The following CERS6 variants were observed in gnomAD, a reference collection of about 807,000 sequenced individuals.
CERS6 encodes LAG1 homolog, ceramide synthase 6.
In CERS6, 26 loss-of-function variants were observed where a neutral mutation model predicts 56.8. The observed-to-expected ratio is 0.46, with a 90% CI of 0.34 to 0.63. CERS6 has a LOEUF of 0.63. Among genes scored for constraint, CERS6 ranks in the 30% least tolerant of loss-of-function variants. The probability of loss-of-function intolerance (pLI) is 0.01; values close to 1 mark genes in which losing one functional copy is unlikely to be tolerated. For synonymous variants in CERS6, 164 were observed against 173.3 expected, an observed-to-expected ratio of 0.95 and a Z score of 0.42; for missense variants, 415 against 467.5, an observed-to-expected ratio of 0.89 and a Z score of 1.04.
At chr2:168,664,801 G>A (rs1008983078) in intron 4 of CERS6, among the ~76,000 whole-genome samples, 9 of 152,050 alleles carry the variant, frequency 5.9e-5, no homozygotes, top group African/African-American at 1.7e-4. Context: ...CCTGTATTTT[G>A]TGCTGACCTC....
intron 3 of CERS6, among the ~76,000 whole-genome samples, chr2:168,603,874 T>G (rs1240354102): frequency 1.3e-5 from 2 of 152,206 alleles, no homozygotes; most frequent in Non-Finnish European, 2.9e-5. Flanking sequence ...GAGCATAGTT[T>G]GTGGGCTGAT....
At chr2:168,710,548 A>C (rs1045310734) in intron 6 of CERS6, among the ~76,000 whole-genome samples, 1 of 152,202 alleles carries the variant, frequency 6.6e-6, no homozygotes, top group African/African-American at 2.4e-5. Context: ...GCTCTACGTT[A>C]ATGGATCCAT....
At chr2:168,741,958 C>T (rs1683922655) in intron 8 of CERS6, among the ~76,000 whole-genome samples, 1 of 152,178 alleles carries the variant, frequency 6.6e-6, no homozygotes, top group Non-Finnish European at 1.5e-5. Flanking sequence ...CTGGCAGCTC[C>T]ATGGTCATTG....
chr2:168,504,373 C>CA (rs5836184), intron 1 of CERS6, among the ~76,000 whole-genome samples: 6,374 of 140,012 alleles, frequency 0.046, 152 homozygotes, highest in African/African-American at 0.086. Context: ...CCCATTTAAA[C>CA]AAAAAAAAAA....
intron 4 of CERS6, among the ~76,000 whole-genome samples, chr2:168,631,516 AC>A (rs1684719265): frequency 4.0e-5 from 1 of 25,284 alleles, no homozygotes; most frequent in African/African-American, 8.6e-5. Flanking sequence ...ATATATATAA[AC>A]TATTATATAA....
intron 3 of CERS6, among the ~76,000 whole-genome samples, chr2:168,567,052 C>T (rs1439820760): frequency 6.6e-6 from 1 of 152,124 alleles, no homozygotes; most frequent in Non-Finnish European, 1.5e-5. Context: ...GATACATGAT[C>T]AGCAATGTGT....
rs558805891 is a variant in CERS6 at position 168,707,229 on chromosome 2, T to TA, written c.610-7771dup. The stretch of plus-strand genomic sequence containing the variant: ...TGTTTTTAAAATGAAGTTTGTGTGT[T>TA]ACAGTTATCCCCCTCAAGGACCTAA... On this transcript the variant is annotated intron_variant, in intron 6 of 9. Coordinates refer to ENST00000305747, the MANE Select transcript of CERS6 (RefSeq NM_203463.3). Among the ~76,000 whole-genome samples the TA allele has an allele frequency of 1.4e-3, 220 of 152,344 alleles. 1 individual carries two copies. The highest frequency in any genetic ancestry group is 5.0e-3 in the African/African-American group (210 of 41,586).
At chr2:168,653,280 T>G (rs540425235) in intron 4 of CERS6, among the ~76,000 whole-genome samples, 1 of 152,318 alleles carries the variant, frequency 6.6e-6, no homozygotes, top group South Asian at 2.1e-4. Flanking sequence ...TGCACCCCAG[T>G]GGGCTCTCCA....
intron 4 of CERS6, among the ~76,000 whole-genome samples, chr2:168,651,407 T>C (rs1431675900): frequency 7.2e-5 from 11 of 152,216 alleles, no homozygotes; most frequent in African/African-American, 2.7e-4. Flanking sequence ...ATTCTGTGAA[T>C]TAAAGCAAAG....
At chr2:168,592,678 AG>A (rs1363016116) in intron 3 of CERS6, among the ~76,000 whole-genome samples, 1 of 152,034 alleles carries the variant, frequency 6.6e-6, no homozygotes, top group African/African-American at 2.4e-5. Flanking sequence ...CCTGTGCAGC[AG>A]GGTGGAGGGG....
chr2:168,464,835 C>T (rs1180954042), intron 1 of CERS6, among the ~76,000 whole-genome samples: 1 of 152,014 alleles, frequency 6.6e-6, no homozygotes, highest in East Asian at 1.9e-4. Flanking sequence ...AAATCAAAAC[C>T]ACTATGAGAT....
rs1693676807 is a variant in CERS6, at chr2:168,456,927, G to C, written c.170+309G>C. On this transcript the variant is annotated intron_variant, in intron 1 of 9. Transcript: ENST00000305747. This position sits in a 1 kb window ranked among gnomAD's most constrained non-coding sequence, Gnocchi z 4.1. ...GGCAGGCGAACAAAGGTGAGCGGTG[G>C]TCGGGCTCAGGACCCGCCGCATTCC... Among the ~76,000 whole-genome samples the C allele has an allele frequency of 6.6e-6, 1 of 152,190 alleles. No individual in the cohort carries two copies. Among genetic ancestry groups the C allele is most frequent in the South Asian group, 2.1e-4 (1 of 4,838 alleles).
At chr2:168,691,002 A>G in intron 4 of CERS6, 32 bp from the exon 5 acceptor site, 1 of 1,598,946 alleles carries the variant, frequency 6.3e-7, no homozygotes, top group South Asian at 1.1e-5. Flanking sequence ...ATGTTCTAAA[A>G]TATGTAAAAT....
At chr2:168,605,689 C>T (rs1318311355) in intron 3 of CERS6, among the ~76,000 whole-genome samples, 1 of 152,168 alleles carries the variant, frequency 6.6e-6, no homozygotes, top group African/African-American at 2.4e-5. Flanking sequence ...CCCTACATCC[C>T]AGCTGCTCCA....
intron 6 of CERS6, among the ~76,000 whole-genome samples, chr2:168,702,735 AT>A (rs1311961867): frequency 2.6e-5 from 4 of 152,216 alleles, no homozygotes; most frequent in African/African-American, 9.7e-5. Flanking sequence ...TATTGATATG[AT>A]TTTAGATTCC....
intron 8 of CERS6, among the ~76,000 whole-genome samples, chr2:168,731,897 A>G (rs548631955): frequency 4.6e-5 from 7 of 152,206 alleles, no homozygotes; most frequent in African/African-American, 1.7e-4. Context: ...CTTTCCTAGA[A>G]CACTGCATTA....
intron 1 of CERS6, among the ~76,000 whole-genome samples, chr2:168,486,114 A>G (rs1316746707): frequency 6.6e-6 from 1 of 152,158 alleles, no homozygotes; most frequent in Admixed American, 6.6e-5. Context: ...GATATTGAAC[A>G]TCTTTTCATA....
intron 4 of CERS6, among the ~76,000 whole-genome samples, chr2:168,648,995 C>CTT (rs745450572): frequency 6.6e-6 from 1 of 152,142 alleles, no homozygotes; most frequent in Admixed American, 6.5e-5. Context: ...CTGTAGAACT[C>CTT]TATCAGATTC....
chr2:168,569,647 T>C (rs1329072468), intron 3 of CERS6, among the ~76,000 whole-genome samples: 5 of 152,180 alleles, frequency 3.3e-5, no homozygotes, highest in Non-Finnish European at 7.3e-5. Flanking sequence ...AAATATGAAA[T>C]CCGTGTTAGG....
Sources: allele counts gnomAD v4.1 joint callset (sites outside exome capture counted in the v4.1 genomes callset), GRCh38; gene constraint gnomAD v4.1.1; non-coding constraint Gnocchi (gnomAD v3.1); transcripts MANE v1.5; gene names NCBI Gene and HGNC (gene_info 2026-07-23, HGNC 2026-07-21).